The following ELAVL1 variants were observed in gnomAD, a reference collection of about 807,000 sequenced individuals.
ELAVL1 encodes the protein ELAV-like protein 1.
ELAVL1 carries 1 observed loss-of-function variant against 28.4 expected under a neutral mutation model. The ratio of observed to expected loss-of-function variants is 0.04; its 90% confidence interval spans 0.01 to 0.17. The LOEUF (loss-of-function observed/expected upper bound fraction) is 0.17. ELAVL1 is among the 10% of genes least tolerant of loss of function. The probability of loss-of-function intolerance (pLI) is 1.00; values close to 1 mark genes in which losing one functional copy is unlikely to be tolerated. For synonymous variants in ELAVL1, 174 were observed against 183.5 expected (o/e 0.95, Z 0.42); for missense variants, 157 against 447.2 (o/e 0.35, Z 5.85).
intron 1 of ELAVL1, among the ~76,000 whole-genome samples, chr19:7,992,248 T>C (rs1439305083): frequency 6.6e-6 from 1 of 152,098 alleles, no homozygotes; most frequent in Non-Finnish European, 1.5e-5. Flanking sequence ...GCCCTGCACT[T>C]AGAGATTCTT....
chr19:8,003,121 C>G (rs374539089), intron 1 of ELAVL1, among the ~76,000 whole-genome samples: 1 of 151,968 alleles, frequency 6.6e-6, no homozygotes, highest in Non-Finnish European at 1.5e-5. Context: ...GGCGCGGTGG[C>G]TCACACCTGT....
chr19:7,991,377 T>C (rs1407617884), intron 2 of ELAVL1, among the ~76,000 whole-genome samples: 1 of 152,240 alleles, frequency 6.6e-6, no homozygotes, highest in Non-Finnish European at 1.5e-5. Context: ...CAGAATGCCC[T>C]GTCTCTGGTT....
intron 3 of ELAVL1, among the ~76,000 whole-genome samples, chr19:7,974,327 C>T (rs1985217440): frequency 6.6e-6 from 1 of 152,254 alleles, no homozygotes; most frequent in Admixed American, 6.5e-5. Context: ...GAAGCCCTGA[C>T]AGGGGCTGTG....
At chr19:7,968,304 A>G (rs887236406) in intron 4 of ELAVL1, among the ~76,000 whole-genome samples, 1 of 152,158 alleles carries the variant, frequency 6.6e-6, no homozygotes, top group African/African-American at 2.4e-5. Context: ...CCTGCTGCAA[A>G]GGTGCCCAGC....
intron 5 of ELAVL1, among the ~76,000 whole-genome samples, chr19:7,966,239 G>A (rs532076136): frequency 5.3e-5 from 8 of 151,994 alleles, no homozygotes; most frequent in South Asian, 2.1e-4. Flanking sequence ...ATAAGCCCTC[G>A]ATGCCACTCC....
chr19:7,980,957 G>T, intron 3 of ELAVL1, 126 bp downstream of exon 3: 1 of 914,720 alleles, frequency 1.1e-6, no homozygotes, highest in Non-Finnish European at 1.7e-6. Flanking sequence ...CAGGGTATCT[G>T]ATGGGAGCCC....
chr19:8,000,344 C>T (rs1355062000), intron 1 of ELAVL1, among the ~76,000 whole-genome samples: 1 of 152,152 alleles, frequency 6.6e-6, no homozygotes, highest in Non-Finnish European at 1.5e-5. Context: ...GATCATCTAG[C>T]GCATATCCAG....
intron 3 of ELAVL1, among the ~76,000 whole-genome samples, chr19:7,976,637 T>C (rs114923487): frequency 0.01 from 1,541 of 152,118 alleles, 25 homozygotes; most frequent in African/African-American, 0.036. Context: ...TGCTGACACC[T>C]TGGTCTCGGG....
At chr19:7,967,537 T>C in intron 5 of ELAVL1, 28 bp downstream of exon 5, 1 of 1,607,998 alleles carries the variant, frequency 6.2e-7, no homozygotes, top group South Asian at 1.1e-5. Flanking sequence ...AAGTATGGCT[T>C]TCAGGAGCGC....
rs1367552615 is a variant in ELAVL1 at position 7,962,155 on chromosome 19, T to C, written c.*1328A>G. 6.5e-6 allele frequency: 1 copy of C among 153,734 alleles called. No homozygotes were observed. Among genetic ancestry groups the C allele is most frequent in the African/African-American group, 2.4e-5 (1 of 41,440 alleles). 9.5% of individuals were successfully genotyped at this position (153,734 alleles called of 1,614,324 possible). A position where few individuals can be genotyped will look rare whatever the true frequency, so the allele number is the denominator to read the frequency against. On this transcript the variant is annotated 3_prime_UTR_variant, in exon 6 of 6. Transcript: ENST00000407627. Reference sequence around the variant, plus strand: ...TCTTGCGTCACAGATTCAGAAATGCTTTTGCTTGAGGCAAGGATTGGTTTC... The same window carrying C: ...TCTTGCGTCACAGATTCAGAAATGCCTTTGCTTGAGGCAAGGATTGGTTTC...
rs141157314 is a variant in ELAVL1 at position 7,963,657 on chromosome 19, G to A, written c.807C>T (p.Ala269=). 38 of 1,614,136 alleles carry A rather than the reference G, an allele frequency of 2.4e-5. No individual in the cohort carries two copies. The highest frequency in any genetic ancestry group is 1.8e-4 in the East Asian group (8 of 44,894). The change falls in exon 6 of 6, where the codon GCC becomes GCT. Residue 269 remains alanine (A), a synonymous_variant. Transcript: ENST00000407627. This position sits in a 1 kb window ranked among gnomAD's most constrained non-coding sequence, Gnocchi z 4.5. ...ILWQMFGPFG[A]VTNVKVIRDF... is the part of the protein sequence containing the mutation. ...CGCGGATCACTTTCACATTGGTGAC[G>A]GCACCAAACGGCCCAAACATCTGCC...
chr19:8,002,069 A>G, intron 1 of ELAVL1: 1 of 1,289,304 alleles, frequency 7.8e-7, no homozygotes, highest in Non-Finnish European at 1.0e-6. Flanking sequence ...GTAACAGCCA[A>G]GCCCTCTGCC....
At chr19:7,991,033 G>C (rs1899437646) in intron 2 of ELAVL1, among the ~76,000 whole-genome samples, 1 of 152,350 alleles carries the variant, frequency 6.6e-6, no homozygotes, top group South Asian at 2.1e-4. Context: ...CAAAGGCTTA[G>C]AAGTCCCACT....
chr19:7,977,156 G>A lies in ELAVL1; in HGVS notation c.277-3278C>T, dbSNP rs138375897. Among the ~76,000 whole-genome samples, 13 of 152,268 alleles carry A rather than the reference G, an allele frequency of 8.5e-5. No homozygotes were observed. In the East Asian group the frequency reaches 1.7e-3, roughly 20 times the overall value. On this transcript the variant is annotated intron_variant, in intron 3 of 5. Transcript: ENST00000407627. ...CGCAGTAGCCACTGCTGTGAAGAACGCCTGCCTATCTGCACTGCAGTCCCC... is the reference window on the plus strand; with the variant it reads ...CGCAGTAGCCACTGCTGTGAAGAACACCTGCCTATCTGCACTGCAGTCCCC...
chr19:7,991,520 A>G (rs894739020), intron 2 of ELAVL1, 124 bp downstream of exon 2: 1 of 959,706 alleles, frequency 1.0e-6, no homozygotes, highest in Non-Finnish European at 1.5e-6. Context: ...GAAACTTCAC[A>G]GCCATCGTTT....
chr19:8,002,186 GTTCCCACC>G (rs2081070415), intron 1 of ELAVL1: 6 of 1,222,764 alleles, frequency 4.9e-6, no homozygotes, highest in Non-Finnish European at 4.3e-6. Flanking sequence ...ACACTGCGAT[GTTCCCACC>G]TCCGGGCTTG....
intron 1 of ELAVL1, among the ~76,000 whole-genome samples, chr19:7,995,717 GA>G (rs1985857460): frequency 6.6e-6 from 1 of 150,450 alleles, no homozygotes; most frequent in Non-Finnish European, 1.5e-5. Flanking sequence ...ATTTCTTGGA[GA>G]AAAATCTTTG....
At chr19:8,001,698 T>C (rs1178687938) in intron 1 of ELAVL1, among the ~76,000 whole-genome samples, 1 of 152,084 alleles carries the variant, frequency 6.6e-6, no homozygotes, top group Non-Finnish European at 1.5e-5. Context: ...ACTCCTGGCC[T>C]TGAGCAATCT....
intron 2 of ELAVL1, among the ~76,000 whole-genome samples, chr19:7,985,325 G>C (rs979366814): frequency 1.3e-5 from 2 of 152,216 alleles, no homozygotes; most frequent in African/African-American, 4.8e-5. Flanking sequence ...AAGTGCAAAC[G>C]GGCCCCCAAG....
Sources: gnomAD v4.1 joint callset for allele counts (sites outside exome capture counted in the v4.1 genomes callset) on GRCh38, gnomAD v4.1.1 for gene constraint, Gnocchi (gnomAD v3.1) non-coding constraint, MANE v1.5 for transcripts, NCBI Gene and HGNC (gene_info 2026-07-23, HGNC 2026-07-21) for gene names.